The following BDP1 variants were observed in gnomAD, a reference collection of about 807,000 sequenced individuals.
BDP1 encodes the protein transcription factor TFIIIB component B'' homolog.
In BDP1, 169 loss-of-function variants were observed where a neutral mutation model predicts 266.6. That is an observed-to-expected ratio of 0.63 (90% CI 0.56 to 0.72). The LOEUF (loss-of-function observed/expected upper bound fraction) is 0.72. BDP1 is among the 30% of genes least tolerant of loss of function. The probability of loss-of-function intolerance (pLI) is 0.00; values close to 1 mark genes in which losing one functional copy is unlikely to be tolerated. For missense variants in BDP1, 3,015 were observed against 3,053.8 expected (o/e 0.99, Z 0.30); for synonymous variants, 1,090 against 1,022.4 (o/e 1.07, Z -1.26).
chr5:71,463,700 C>T (rs1485217548), intron 3 of BDP1, among the ~76,000 whole-genome samples: 1 of 151,722 alleles, frequency 6.6e-6, no homozygotes, highest in Non-Finnish European at 1.5e-5. Flanking sequence ...TGGTGGCATG[C>T]ACCTGTAGTC....
chr5:71,487,744 T>C (rs1404847497), intron 9 of BDP1, among the ~76,000 whole-genome samples: 1 of 152,164 alleles, frequency 6.6e-6, no homozygotes, highest in Non-Finnish European at 1.5e-5. Context: ...GCCTGGAACA[T>C]ACAAAAATTT....
chr5:71,551,801 C>T lies in BDP1; in HGVS notation c.6996-1315C>T, dbSNP rs545861847. 4.1e-3 allele frequency among the ~76,000 whole-genome samples: 612 copies of T among 150,092 alleles called. 10 individuals are homozygous for T. Among genetic ancestry groups the T allele is most frequent in the African/African-American group, 0.014 (564 of 40,820 alleles). ...CTGACCCCCCCACCTCCCTCCCAGA[C>T]GGGGTGGCTGGCCGGGCAGAGGGGC... is the stretch of plus-strand genomic sequence containing the variant. On this transcript the variant is annotated intron_variant, in intron 34 of 38. Transcript: ENST00000358731.
chr5:71,504,522 A>T (rs1161711099), intron 15 of BDP1, 99 bp from the exon 16 acceptor site: 1 of 1,091,812 alleles, frequency 9.2e-7, no homozygotes. Flanking sequence ...ATAATGTTGA[A>T]TTTTTTACCA....
At chr5:71,460,153 G>C (rs1579970638) in intron 2 of BDP1, among the ~76,000 whole-genome samples, 1 of 152,334 alleles carries the variant, frequency 6.6e-6, no homozygotes, top group Middle Eastern at 3.4e-3. Flanking sequence ...GCCGAGGTGG[G>C]CGGATCACCT....
At chr5:71,490,868 C>T in intron 10 of BDP1, 116 bp from the exon 11 acceptor site, 1 of 1,048,050 alleles carries the variant, frequency 9.5e-7, no homozygotes, top group South Asian at 2.3e-5. Flanking sequence ...CAAATAGGGA[C>T]TTGAATGTTG....
In BDP1 at chr5:71,551,638, C is replaced by T. The variant is rs532813677; in HGVS notation, c.6996-1478C>T. ...TGAGCCGCTGGGCACACCTCCCAGA[C>T]GGGGTGGTGGCCGGGCAGAGGGGCT... On this transcript the variant is annotated intron_variant, in intron 34 of 38. Transcript: ENST00000358731. Among the ~76,000 whole-genome samples the T allele has an allele frequency of 1.2e-4, 18 of 152,294 alleles. No individual in the cohort carries two copies. In the South Asian group the frequency reaches 3.3e-3, roughly 28 times the overall value.
At position 71,461,910 on chromosome 5, in the gene BDP1, G is replaced by C. The variant is rs748589460; in HGVS notation, c.583G>C (p.Asp195His). 5.1e-6 allele frequency: 7 copies of C among 1,378,704 alleles called. No homozygotes were observed. Among genetic ancestry groups the C allele is most frequent in the Admixed American group, 3.6e-5 (2 of 55,334 alleles). The allele number at this position is 1,378,704 out of a possible 1,614,324, so 85.4% of individuals were successfully genotyped here. A position where few individuals can be genotyped will look rare whatever the true frequency, so the allele number is the denominator to read the frequency against. ...TMRDFIYYLP[D>H]NNPMTSSLEQ... ...GAGAGACTTCATATATTATCTACCA[G>C]ATAATAATCCAATGACGTAAGTAAA... The change falls in exon 3 of 39, where the codon GAT becomes CAT. Residue 195 changes from aspartate to histidine, a missense_variant. Asp to His is a moderately conservative substitution (Grantham distance 81). This residue lies in a region of BDP1 where 2,383 missense variants were observed against 2,404.9 expected (regional missense o/e 0.99). Coordinates refer to ENST00000358731, the MANE Select transcript of BDP1 (RefSeq NM_018429.3).
intron 32 of BDP1, 31 bp from the exon 33 acceptor site, chr5:71,548,651 C>T (rs1422516267): frequency 1.4e-6 from 2 of 1,474,082 alleles, no homozygotes; most frequent in Non-Finnish European, 9.5e-7. Context: ...TTTGGCCAAC[C>T]TGACTCTTTC....
intron 16 of BDP1, 73 bp from the exon 17 acceptor site, chr5:71,509,392 T>A (rs1764763638): frequency 2.1e-6 from 3 of 1,443,374 alleles, no homozygotes; most frequent in Non-Finnish European, 2.7e-6. Flanking sequence ...TCTGTAGTGA[T>A]TTCTCAAACA....
chr5:71,504,358 G>A (rs904930721), intron 15 of BDP1, among the ~76,000 whole-genome samples: 101 of 152,062 alleles, frequency 6.6e-4, no homozygotes, highest in African/African-American at 2.3e-3. Flanking sequence ...AGACCCCACA[G>A]GGGTATTTCT....
Position 71,470,427 on chromosome 5 carries a change from G to A in BDP1, c.952G>A (p.Val318Ile), listed in dbSNP as rs1762169193. 1 of 1,611,874 alleles carries A rather than the reference G, an allele frequency of 6.2e-7. No individual in the cohort carries two copies. Among genetic ancestry groups the A allele is most frequent in the Non-Finnish European group, 8.5e-7 (1 of 1,179,046 alleles). Residue 318 changes from valine (V) to isoleucine (I), a missense_variant, in exon 7 of 39, where the codon GTA (valine) becomes ATA (isoleucine). Val to Ile is a conservative substitution (Grantham distance 29). Around this residue, in one of 3 missense-constraint regions of BDP1, gnomAD observed 2,383 missense variants for 2,404.9 expected, o/e 0.99. Transcript: ENST00000358731. ...TATGTTTTTTTTAGCCATCAGCATG[G>A]TAGGAACTGACTTTTCTATGATCGG... The part of the protein sequence containing the change: ...TDMFFLAISM[V>I]GTDFSMIGQL...
At chr5:71,511,560 T>G (rs1764921665) in intron 17 of BDP1, among the ~76,000 whole-genome samples, 1 of 152,128 alleles carries the variant, frequency 6.6e-6, no homozygotes, top group Non-Finnish European at 1.5e-5. Context: ...GGTGAGAGGA[T>G]CACTTGAACC....
chr5:71,501,027 G>T (rs1034012855), intron 13 of BDP1, among the ~76,000 whole-genome samples: 7 of 151,650 alleles, frequency 4.6e-5, no homozygotes, highest in Non-Finnish European at 1.0e-4. Flanking sequence ...AGCCTTGGGG[G>T]TCAAGGCTGC....
At chr5:71,537,642 T>C in intron 26 of BDP1, 1 of 162,066 alleles carries the variant, frequency 6.2e-6, no homozygotes. Flanking sequence ...ATTTCTTGGT[T>C]AGCCACTTTG....
intron 13 of BDP1, among the ~76,000 whole-genome samples, chr5:71,500,539 C>T (rs1052415623): frequency 1.3e-5 from 2 of 151,760 alleles, no homozygotes; most frequent in Non-Finnish European, 2.9e-5. Context: ...GTTAGCCAGG[C>T]TGCTCTCGAA....
chr5:71,509,796 C>T lies in BDP1; in HGVS notation c.2704C>T (p.Leu902=). The stretch of plus-strand genomic sequence containing the variant: ...TGACACCATAGAAATGGAGACAGGT[C>T]TGAAAGCAATGGGAAGAGAGATTTG... ...IDDTIEMETG[L]KAMGREICLR... Residue 902 remains leucine (L), a synonymous_variant, in exon 17 of 39, where the codon CTG becomes TTG. Coordinates refer to ENST00000358731, the MANE Select transcript of BDP1 (RefSeq NM_018429.3). 1 of 1,614,022 alleles carries T rather than the reference C, an allele frequency of 6.2e-7. No individual in the cohort carries two copies. Among genetic ancestry groups the T allele is most frequent in the Non-Finnish European group, 8.5e-7 (1 of 1,179,998 alleles).
At chr5:71,515,993 C>T (rs1256462805) in intron 20 of BDP1, 68 bp from the exon 21 acceptor site, 20 of 1,145,358 alleles carry the variant, frequency 1.7e-5, no homozygotes, top group South Asian at 1.5e-5. Context: ...CCAAATTTTA[C>T]ATTTTTACAT....
intron 19 of BDP1, among the ~76,000 whole-genome samples, chr5:71,514,697 TTTTG>T: frequency 6.6e-6 from 1 of 152,308 alleles, no homozygotes; most frequent in East Asian, 1.9e-4. Flanking sequence ...TTTCTGATTT[TTTTG>T]TTTGTCTTTT....
chr5:71,578,081 C>CGGCTCCTTG, the BDP1 span, among the ~76,000 whole-genome samples: 3 of 152,150 alleles, frequency 2.0e-5, no homozygotes, highest in African/African-American at 7.2e-5. Context: ...TCCCTGGCCC[C>CGGCTCCTTG]GGCTCCTTGA....
Sources: gnomAD v4.1 joint callset for allele counts (sites outside exome capture counted in the v4.1 genomes callset) on GRCh38, gnomAD v4.1.1 for gene constraint, gnomAD v4.1.1 regional missense constraint, MANE v1.5 for transcripts, NCBI Gene and HGNC (gene_info 2026-07-23, HGNC 2026-07-21) for gene names.